RAB3IP: variants seen among roughly 807,000 people sequenced by gnomAD.
RAB3IP encodes RAB3A interacting protein, also known as rab-3A-interacting protein.
In RAB3IP, 36 loss-of-function variants were observed where a neutral mutation model predicts 59.1. The observed-to-expected ratio is 0.61, with a 90% CI of 0.47 to 0.80. The LOEUF (loss-of-function observed/expected upper bound fraction) is 0.80, where lower values mean the gene tolerates loss of function less well. Among genes scored for constraint, RAB3IP ranks in the 30% least tolerant of loss-of-function variants. RAB3IP has a pLI of 0.00. For missense variants in RAB3IP, 511 were observed against 536.0 expected (o/e 0.95, Z 0.46); for synonymous variants, 207 against 191.2 (o/e 1.08, Z -0.68).
intron 3 of RAB3IP, among the ~76,000 whole-genome samples, chr12:69,770,417 T>C (rs1166996139): frequency 6.6e-6 from 1 of 152,224 alleles, no homozygotes; most frequent in Non-Finnish European, 1.5e-5. Flanking sequence ...TAATATAATA[T>C]AAATGCTGTG....
chr12:69,752,194 A>G (rs185658600), intron 1 of RAB3IP, among the ~76,000 whole-genome samples: 1 of 151,632 alleles, frequency 6.6e-6, no homozygotes, highest in African/African-American at 2.4e-5. Context: ...TGTAGAGACA[A>G]GATCTCACTA....
intron 10 of RAB3IP, among the ~76,000 whole-genome samples, chr12:69,813,646 A>G (rs1391316886): frequency 1.3e-5 from 2 of 152,138 alleles, no homozygotes; most frequent in Non-Finnish European, 2.9e-5. Context: ...CATGAAAACT[A>G]ATATGGCCTG....
At chr12:69,739,820 G>A (rs954521056) in intron 1 of RAB3IP, 1 of 1,613,874 alleles carries the variant, frequency 6.2e-7, no homozygotes, top group Non-Finnish European at 8.5e-7. Context: ...GGTGGAAGTC[G>A]CAGCATGTGA....
chr12:69,773,248 G>C (rs150993595), intron 3 of RAB3IP, among the ~76,000 whole-genome samples: 1 of 151,922 alleles, frequency 6.6e-6, no homozygotes, highest in Admixed American at 6.6e-5. Context: ...ATCTTTGAGA[G>C]CTTGATTATA....
rs367717525 is a variant in RAB3IP at position 69,815,372 on chromosome 12, A to G, written c.1309A>G (p.Met437Val). ...CTTTTCTGTTTGTATAGTTGATCAG[A>G]TGTTTTGGGAGGTTATGCAGTTGAG... Reference protein sequence around the residue: ...GLVKQQDVDQMFWEVMQLRKE... With the variant: ...GLVKQQDVDQVFWEVMQLRKE... Residue 437 changes from methionine (M) to valine (V), a missense_variant, in exon 11 of 11, where the codon ATG (methionine) becomes GTG (valine). Transcript: ENST00000247833. 6 of 1,606,180 alleles carry G rather than the reference A, an allele frequency of 3.7e-6. No individual in the cohort carries two copies. The highest frequency in any genetic ancestry group is 5.1e-6 in the Non-Finnish European group (6 of 1,173,154).
At chr12:69,792,496 T>C (rs562106168) in intron 4 of RAB3IP, among the ~76,000 whole-genome samples, 14 of 152,330 alleles carry the variant, frequency 9.2e-5, no homozygotes, top group African/African-American at 2.6e-4. Flanking sequence ...TGTTTGACTC[T>C]TTACAGAAAA....
In RAB3IP at chr12:69,818,745, C is replaced by T. The variant is rs1474312342; in HGVS notation, c.*3299C>T. ...AAAGTCAAGAACAACTAAAACTGAA[C>T]AGCTGTTTAGGCATTGACATATGTG... is the stretch of plus-strand genomic sequence containing the variant. On this transcript the variant is annotated 3_prime_UTR_variant, in exon 11 of 11. Coordinates refer to ENST00000247833, the MANE Select transcript of RAB3IP (RefSeq NM_022456.5). The T allele has an allele frequency of 1.3e-5, 2 of 152,176 alleles. No homozygotes were observed. The highest frequency in any genetic ancestry group is 4.8e-5 in the African/African-American group (2 of 41,440). The allele number at this position is 152,176 out of a possible 1,614,324, so 9.4% of individuals were successfully genotyped here. A position where few individuals can be genotyped will look rare whatever the true frequency, so the allele number is the denominator to read the frequency against.
chr12:69,765,280 T>C (rs1198239009), intron 3 of RAB3IP, among the ~76,000 whole-genome samples: 1 of 152,216 alleles, frequency 6.6e-6, no homozygotes. Context: ...GGGTTTGTCA[T>C]AGATGGCTCT....
intron 1 of RAB3IP, among the ~76,000 whole-genome samples, chr12:69,750,133 C>T (rs1868999217): frequency 6.6e-6 from 1 of 152,150 alleles, no homozygotes; most frequent in Non-Finnish European, 1.5e-5. Context: ...TTAATTCTGA[C>T]TACTCTAAGC....
chr12:69,770,528 G>A (rs1039802213), intron 3 of RAB3IP, among the ~76,000 whole-genome samples: 3 of 152,116 alleles, frequency 2.0e-5, no homozygotes, highest in Admixed American at 2.0e-4. Context: ...GATGGAACCT[G>A]CTGATGCAGA....
chr12:69,758,602 T>A (rs537214749), intron 3 of RAB3IP, among the ~76,000 whole-genome samples: 2 of 152,268 alleles, frequency 1.3e-5, no homozygotes, highest in East Asian at 1.9e-4. Flanking sequence ...ATAATTGTTG[T>A]ATGTTTCACT....
intron 8 of RAB3IP, among the ~76,000 whole-genome samples, chr12:69,807,931 C>T (rs992385921): frequency 6.6e-6 from 1 of 152,306 alleles, no homozygotes; most frequent in Non-Finnish European, 1.5e-5. Context: ...GCGCTCCTCA[C>T]CTCCCAGACG....
At chr12:69,739,290 C>G (rs1394879973) in intron 1 of RAB3IP, 1 of 152,522 alleles carries the variant, frequency 6.6e-6, no homozygotes, top group Admixed American at 6.5e-5. Flanking sequence ...AGCCGGCCGC[C>G]CCCTGGGCTG....
intron 1 of RAB3IP, among the ~76,000 whole-genome samples, chr12:69,754,047 C>G (rs532774556): frequency 6.6e-6 from 1 of 152,254 alleles, no homozygotes; most frequent in South Asian, 2.1e-4. Context: ...AAATACTTTA[C>G]ATGGATTGTC....
At position 69,756,634 on chromosome 12, in the gene RAB3IP, T is replaced by G. The variant is rs1229891225; in HGVS notation, c.481T>G (p.Leu161Val). 2 of 1,613,736 alleles carry G rather than the reference T, an allele frequency of 1.2e-6. No homozygotes were observed. Among genetic ancestry groups the G allele is most frequent in the Admixed American group, 3.3e-5 (2 of 59,958 alleles). ...LEVREKGYER[L>V]KEELAKAQRE... is the part of the protein sequence containing the mutation. ...AGTTAGAGAAAAGGGCTATGAACGATTAAAAGAAGAACTCGCAAAAGCTCA... is the reference window on the plus strand; with the variant it reads ...AGTTAGAGAAAAGGGCTATGAACGAGTAAAAGAAGAACTCGCAAAAGCTCA... Residue 161 changes from leucine to valine, a missense_variant, in exon 3 of 11, where the codon TTA becomes GTA. Coordinates refer to ENST00000247833, the MANE Select transcript of RAB3IP (RefSeq NM_022456.5).
intron 1 of RAB3IP, among the ~76,000 whole-genome samples, chr12:69,744,960 G>GT (rs1868268429): frequency 6.6e-6 from 1 of 151,950 alleles, no homozygotes; most frequent in Non-Finnish European, 1.5e-5. Flanking sequence ...TACTTGTTTT[G>GT]TTTTTTCCTC....
rs1405798071 is a variant in RAB3IP at position 69,784,752 on chromosome 12, G to A, written c.543G>A (p.Arg181=). 6.2e-7 allele frequency: 1 copy of A among 1,607,950 alleles called. No homozygotes were observed. The highest frequency in any genetic ancestry group is 8.5e-7 in the Non-Finnish European group (1 of 1,176,456). ...AGTTAAAAGATGAAGAATGTGAGAGGCTTTCAAAAGTGCGAGATCAACTTG... is the reference window on the plus strand; with the variant it reads ...AGTTAAAAGATGAAGAATGTGAGAGACTTTCAAAAGTGCGAGATCAACTTG... ...ELKLKDEECE[R]LSKVRDQLGQ... is the part of the protein sequence containing the mutation. The change falls in exon 4 of 11, where the codon AGG becomes AGA. Residue 181 remains arginine, a synonymous_variant. Transcript: ENST00000247833.
rs573234873 is a variant in RAB3IP, at chr12:69,819,816, G to C, written c.*4370G>C. Reference sequence around the variant, plus strand: ...TGGGAGTCACTTAGACCTACATTCTGGTCTAGGTTTGGCTCCCAAAAACTG... The same window carrying C: ...TGGGAGTCACTTAGACCTACATTCTCGTCTAGGTTTGGCTCCCAAAAACTG... On this transcript the variant is annotated 3_prime_UTR_variant, in exon 11 of 11. Coordinates refer to ENST00000247833, the MANE Select transcript of RAB3IP (RefSeq NM_022456.5). The C allele has an allele frequency of 1.3e-5, 2 of 152,268 alleles. No homozygotes were observed. Among genetic ancestry groups the C allele is most frequent in the South Asian group, 4.1e-4 (2 of 4,822 alleles). 9.4% of individuals were successfully genotyped at this position (152,268 alleles called of 1,614,324 possible).
rs1201218827 is a variant in RAB3IP, at chr12:69,755,380, A to G, written c.-25-4A>G. On this transcript the variant is annotated splice_region_variant and splice_polypyrimidine_tract_variant and intron_variant, in intron 1 of 10. Transcript: ENST00000247833. ...ATAAGTATCTGCTTTTTGTTTTAAC[A>G]TAGGTTATCTTATGATGAGGCTTTT... The G allele has an allele frequency of 1.9e-6, 3 of 1,607,380 alleles. No homozygotes were observed. Among genetic ancestry groups the G allele is most frequent in the East Asian group, 2.2e-5 (1 of 44,806 alleles).
Sources: gnomAD v4.1 joint callset for allele counts (sites outside exome capture counted in the v4.1 genomes callset) on GRCh38, gnomAD v4.1.1 for gene constraint, MANE v1.5 for transcripts, NCBI Gene and HGNC (gene_info 2026-07-23, HGNC 2026-07-21) for gene names.